Variants in ZNF599 observed in about 807,000 individuals in gnomAD.
The protein encoded by ZNF599 is zinc finger protein 599.
A neutral mutation model predicts 11.7 loss-of-function variants in ZNF599; 10 were observed. The ratio of observed to expected loss-of-function variants is 0.86; its 90% CI spans 0.53 to 1.45. The LOEUF (loss-of-function observed/expected upper bound fraction) is 1.45. Ranked by LOEUF, ZNF599 falls within the 40% of genes most tolerant of loss-of-function variation. The pLI is 0.00. For synonymous variants in ZNF599, 232 were observed against 253.2 expected (o/e 0.92, Z 0.79); for missense variants, 688 against 713.6 (o/e 0.96, Z 0.41).
the ZNF599 span, among the ~76,000 whole-genome samples, chr19:34,783,567 G>A: frequency 6.6e-6 from 1 of 152,074 alleles, no homozygotes; most frequent in African/African-American, 2.4e-5. Context: ...CTTACCCACA[G>A]GCAAGTGTTT....
At chr19:34,807,237 C>G in the ZNF599 span, among the ~76,000 whole-genome samples, 1 of 152,170 alleles carries the variant, frequency 6.6e-6, no homozygotes, top group Non-Finnish European at 1.5e-5. Context: ...ACTGAAGTGA[C>G]CTGAACAGGT....
chr19:34,778,270 C>G, the ZNF599 span, among the ~76,000 whole-genome samples: 1 of 151,662 alleles, frequency 6.6e-6, no homozygotes, highest in Non-Finnish European at 1.5e-5. Flanking sequence ...CATTAAATAA[C>G]AAACCTGCAG....
chr19:34,795,592 T>C, the ZNF599 span, among the ~76,000 whole-genome samples: 1 of 152,204 alleles, frequency 6.6e-6, no homozygotes, highest in Non-Finnish European at 1.5e-5. Context: ...GGCAGATATT[T>C]TGAACTTGCA....
chr19:34,761,238 G>A (rs1234964965), intron 3 of ZNF599, among the ~76,000 whole-genome samples: 2 of 152,186 alleles, frequency 1.3e-5, no homozygotes, highest in African/African-American at 4.8e-5. Flanking sequence ...TGAACATAAT[G>A]AGTCTGCAAT....
At chr19:34,763,882 C>CCAGCCTGGCCAACACAGCAAAACCCT (rs1355149991) in intron 3 of ZNF599, 7 of 152,088 alleles carry the variant, frequency 4.6e-5, no homozygotes, top group Admixed American at 3.3e-4. Context: ...CCAGGAGTTA[C>CCAGCCTGGCCAACACAGCAAAACCCT]CAGCCTGGCC....
chr19:34,772,636 T>C (rs2069190591), intron 1 of ZNF599, 188 bp downstream of exon 1: 2 of 1,392,166 alleles, frequency 1.4e-6, no homozygotes, highest in Admixed American at 3.2e-5. Context: ...ACAACTCCTG[T>C]CCTGGATTCA....
the ZNF599 span, among the ~76,000 whole-genome samples, chr19:34,786,378 C>T: frequency 2.6e-5 from 4 of 152,202 alleles, no homozygotes; most frequent in African/African-American, 9.7e-5. Flanking sequence ...CCCTAGAACA[C>T]CCCGCTGCAG....
chr19:34,794,595 G>C, the ZNF599 span, among the ~76,000 whole-genome samples: 2 of 147,700 alleles, frequency 1.4e-5, no homozygotes, highest in Admixed American at 1.4e-4. Flanking sequence ...TTTTGAGACA[G>C]AGTCTTGCTC....
At chr19:34,806,187 G>GA in the ZNF599 span, among the ~76,000 whole-genome samples, 11 of 152,294 alleles carry the variant, frequency 7.2e-5, no homozygotes, top group African/African-American at 2.4e-4. Flanking sequence ...GCAACTATGG[G>GA]AGGACTCCAT....
chr19:34,772,690 C>G, intron 1 of ZNF599, 134 bp downstream of exon 1: 2 of 1,491,946 alleles, frequency 1.3e-6, no homozygotes, highest in Non-Finnish European at 1.8e-6. Flanking sequence ...CTCACCTCAC[C>G]CTCTCCCGGG....
At chr19:34,785,848 G>C in the ZNF599 span, among the ~76,000 whole-genome samples, 1 of 152,130 alleles carries the variant, frequency 6.6e-6, no homozygotes, top group Non-Finnish European at 1.5e-5. Flanking sequence ...CTGGAATGCT[G>C]TTTGGCCATT....
At chr19:34,760,632 C>A (rs2069107020) in intron 3 of ZNF599, 73 bp from the exon 4 acceptor site, 1 of 1,337,714 alleles carries the variant, frequency 7.5e-7, no homozygotes, top group Non-Finnish European at 1.0e-6. Context: ...ACCACTTTAG[C>A]AGAAGAATGA....
chr19:34,782,032 G>A, the ZNF599 span, among the ~76,000 whole-genome samples: 3 of 152,180 alleles, frequency 2.0e-5, no homozygotes, highest in East Asian at 1.9e-4. Context: ...CCCAAACAAT[G>A]GTGAACAGGG....
the ZNF599 span, among the ~76,000 whole-genome samples, chr19:34,783,412 C>G: frequency 6.6e-6 from 1 of 152,116 alleles, no homozygotes. Context: ...TTAGTAAGCT[C>G]TGGGTTATAT....
intron 3 of ZNF599, among the ~76,000 whole-genome samples, chr19:34,762,400 G>T (rs1323758017): frequency 2.6e-5 from 4 of 151,976 alleles, no homozygotes; most frequent in Non-Finnish European, 4.4e-5. Context: ...AAGTGAAATG[G>T]GTATAACCAT....
In ZNF599 at chr19:34,758,961, C is replaced by T. The variant is rs1366132835; in HGVS notation, c.*73G>A. ...AAATATTTCCCTCAATAGTTATACT[C>T]AAAAGGAAAGGTATGTCACCACTAT... On this transcript the variant is annotated 3_prime_UTR_variant, in exon 4 of 4. Coordinates refer to ENST00000329285, the MANE Select transcript of ZNF599 (RefSeq NM_001007248.3). 1.4e-6 allele frequency: 2 copies of T among 1,463,710 alleles called. No individual in the cohort carries two copies. The highest frequency in any genetic ancestry group is 1.8e-6 in the Non-Finnish European group (2 of 1,084,572). The allele number at this position is 1,463,710 out of a possible 1,614,324, so 90.7% of individuals were successfully genotyped here.
intron 3 of ZNF599, chr19:34,764,534 T>C (rs1308510334): frequency 6.6e-6 from 1 of 152,196 alleles, no homozygotes; most frequent in Non-Finnish European, 1.5e-5. Context: ...CAAATGTCCA[T>C]CAATAGGAAA....
chr19:34,762,979 T>C (rs1238667449), intron 3 of ZNF599: 1 of 152,172 alleles, frequency 6.6e-6, no homozygotes, highest in Admixed American at 6.6e-5. Flanking sequence ...GGCAAATATT[T>C]TACATTACTC....
chr19:34,800,989 G>A, the ZNF599 span, among the ~76,000 whole-genome samples: 130 of 152,272 alleles, frequency 8.5e-4, 2 homozygotes, highest in African/African-American at 3.1e-3. Context: ...TAGAGCCCTT[G>A]CTGTATATTC....
Sources: gnomAD v4.1 joint callset for allele counts (sites outside exome capture counted in the v4.1 genomes callset) on GRCh38, gnomAD v4.1.1 for gene constraint, MANE v1.5 for transcripts, NCBI Gene and HGNC (gene_info 2026-07-23, HGNC 2026-07-21) for gene names.